Variants in TAF12 observed in about 807,000 individuals in gnomAD.
TAF12 encodes transcription initiation factor TFIID subunit 12.
TAF12 carries 3 observed loss-of-function variants against 20.8 expected under a neutral mutation model. The observed-to-expected ratio is 0.14, with a 90% CI of 0.07 to 0.37. The LOEUF is 0.37. TAF12 is among the 10% of genes least tolerant of loss of function. The probability of loss-of-function intolerance (pLI) is 1.00; values close to 1 mark genes in which losing one functional copy is unlikely to be tolerated. For synonymous variants in TAF12, 69 were observed against 70.2 expected (o/e 0.98, Z 0.09); for missense variants, 131 against 197.9 (o/e 0.66, Z 2.03).
At chr1:28,629,025 T>C (rs1667531761) in intron 1 of TAF12, among the ~76,000 whole-genome samples, 1 of 152,324 alleles carries the variant, frequency 6.6e-6, no homozygotes, top group African/African-American at 2.4e-5. Context: ...GAGCCAAGAT[T>C]GCACCACTGC....
At chr1:28,629,606 G>T (rs879505391) in intron 1 of TAF12, among the ~76,000 whole-genome samples, 4 of 152,100 alleles carry the variant, frequency 2.6e-5, no homozygotes, top group Non-Finnish European at 4.4e-5. Flanking sequence ...ATAGTGCTGG[G>T]ATTACAGGCG....
At chr1:28,618,167 GA>G (rs1667101059) in intron 2 of TAF12, 137 bp from the exon 3 acceptor site, 1 of 714,572 alleles carries the variant, frequency 1.4e-6, no homozygotes, top group African/African-American at 1.8e-5. Flanking sequence ...TGGCCTACCT[GA>G]CTATGCTGCT....
intron 1 of TAF12, among the ~76,000 whole-genome samples, chr1:28,633,952 G>A (rs376394219): frequency 7.7e-4 from 115 of 150,026 alleles, no homozygotes; most frequent in African/African-American, 2.1e-3. Context: ...GTGTGGTGGC[G>A]CGTGCCTGTA....
At chr1:28,612,851 C>T (rs1185231641) in intron 4 of TAF12, among the ~76,000 whole-genome samples, 4 of 152,102 alleles carry the variant, frequency 2.6e-5, no homozygotes, top group Non-Finnish European at 2.9e-5. Flanking sequence ...ATGGTGAAGA[C>T]ATAACAGTAC....
upstream of TAF12, chr1:28,646,098 C>T (rs1668178669): frequency 6.7e-6 from 1 of 149,630 alleles, no homozygotes; most frequent in Non-Finnish European, 1.5e-5. Context: ...TAGGGAGACA[C>T]TGTCTCTAAA....
rs1013506461 is a variant in TAF12 at position 28,627,009 on chromosome 1, TTTTC to T, written c.-84-4848_-84-4845del. ...ATTCACATATCAAATTAGGATTTTT[TTTTC>T]TTTTTTTGTTGTTTCCAGTGAAGTT... On this transcript the variant is annotated intron_variant, in intron 1 of 5. Transcript: ENST00000373824. 2.8e-3 allele frequency among the ~76,000 whole-genome samples: 421 copies of T among 152,320 alleles called. 1 individual carries two copies. The highest frequency in any genetic ancestry group is 9.8e-3 in the African/African-American group (408 of 41,560).
chr1:28,647,346 G>A (rs1257852259), upstream of TAF12, among the ~76,000 whole-genome samples: 1 of 151,978 alleles, frequency 6.6e-6, no homozygotes, highest in African/African-American at 2.4e-5. Flanking sequence ...GGAGTGCAGT[G>A]GCATGATTAT....
chr1:28,641,090 A>T (rs1224701323), intron 1 of TAF12, among the ~76,000 whole-genome samples: 4 of 152,092 alleles, frequency 2.6e-5, no homozygotes, highest in African/African-American at 9.7e-5. Context: ...ATAAAAATAA[A>T]GGTTTCCTTA....
intron 1 of TAF12, among the ~76,000 whole-genome samples, 194 bp from the exon 2 acceptor site, chr1:28,622,359 A>AG (rs1343135309): frequency 2.2e-5 from 3 of 137,452 alleles, no homozygotes; most frequent in Non-Finnish European, 4.7e-5. Context: ...GTCTCTACCA[A>AG]GAAAAAAAAA....
chr1:28,603,638 T>C, intron 5 of TAF12, 64 bp from the exon 6 acceptor site: 4 of 1,566,834 alleles, frequency 2.6e-6, no homozygotes, highest in Admixed American at 1.7e-5. Context: ...TTCTGGAACA[T>C]TCTGTGTGGC....
At chr1:28,605,776 C>T (rs930252636) in intron 4 of TAF12, among the ~76,000 whole-genome samples, 3 of 152,170 alleles carry the variant, frequency 2.0e-5, no homozygotes, top group Non-Finnish European at 4.4e-5. Flanking sequence ...CAGGCGCATG[C>T]CACCATGGCC....
At chr1:28,645,658 T>TACA (rs778340922), upstream of TAF12, among the ~76,000 whole-genome samples, 15 of 147,204 alleles carry the variant, frequency 1.0e-4, no homozygotes, top group African/African-American at 3.5e-4. Context: ...CAAACAAAAC[T>TACA]ACAACAACAA....
intron 1 of TAF12, among the ~76,000 whole-genome samples, chr1:28,639,284 C>T (rs887745604): frequency 9.2e-5 from 14 of 151,556 alleles, no homozygotes; most frequent in African/African-American, 2.7e-4. Context: ...GGCATGGTGG[C>T]GCATGCCTGT....
intron 3 of TAF12, among the ~76,000 whole-genome samples, chr1:28,617,640 A>G (rs967662929): frequency 1.3e-5 from 2 of 151,572 alleles, no homozygotes; most frequent in African/African-American, 4.8e-5. Context: ...TTTAGTAGAG[A>G]CGGGGTTTCA....
At chr1:28,632,626 A>G (rs1181482706) in intron 1 of TAF12, among the ~76,000 whole-genome samples, 1 of 152,104 alleles carries the variant, frequency 6.6e-6, no homozygotes, top group East Asian at 1.9e-4. Context: ...GTATAATTCC[A>G]TTTATAGGCC....
upstream of TAF12, among the ~76,000 whole-genome samples, chr1:28,647,806 G>A (rs1668235970): frequency 6.6e-6 from 1 of 152,000 alleles, no homozygotes; most frequent in African/African-American, 2.4e-5. Context: ...CCCAGGAGGT[G>A]GAGCTTGCGG....
intron 1 of TAF12, among the ~76,000 whole-genome samples, chr1:28,627,216 C>T (rs1273037286): frequency 6.6e-6 from 1 of 151,482 alleles, no homozygotes; most frequent in Non-Finnish European, 1.5e-5. Context: ...GTGAAACCCC[C>T]ATCTCTACTA....
At chr1:28,645,280 C>T (rs561301818), upstream of TAF12, among the ~76,000 whole-genome samples, 1 of 150,980 alleles carries the variant, frequency 6.6e-6, no homozygotes, top group Admixed American at 6.6e-5. Flanking sequence ...CGTGATCCGC[C>T]TGCCTTGGCC....
chr1:28,644,617 G>T (rs1028629847), upstream of TAF12, among the ~76,000 whole-genome samples: 3 of 152,248 alleles, frequency 2.0e-5, no homozygotes, highest in African/African-American at 7.2e-5. Context: ...GTGGGAAACA[G>T]ACCATTAGCA....
Sources: gnomAD v4.1 joint callset for allele counts (sites outside exome capture counted in the v4.1 genomes callset) on GRCh38, gnomAD v4.1.1 for gene constraint, MANE v1.5 for transcripts, NCBI Gene and HGNC (gene_info 2026-07-23, HGNC 2026-07-21) for gene names.